WDFY3: variants seen among roughly 807,000 people sequenced by gnomAD.
WDFY3 encodes the protein WD repeat and FYVE domain-containing protein 3.
WDFY3 carries 66 observed loss-of-function variants against 409.6 expected under a neutral mutation model. That is an observed-to-expected ratio of 0.16 (90% CI 0.13 to 0.20). The LOEUF (loss-of-function observed/expected upper bound fraction) is 0.20, where lower values mean the gene tolerates loss of function less well. Among genes scored for constraint, WDFY3 ranks in the 10% least tolerant of loss-of-function variants. The pLI is 1.00. For synonymous variants in WDFY3, 1,521 were observed against 1,537.1 expected (o/e 0.99, Z 0.25); for missense variants, 3,031 against 4,298.1 (o/e 0.71, Z 8.24).
intron 1 of WDFY3, among the ~76,000 whole-genome samples, chr4:84,948,081 TA>T (rs1428578836): frequency 1.3e-5 from 2 of 152,192 alleles, no homozygotes; most frequent in African/African-American, 4.8e-5. Context: ...TATAACTTTT[TA>T]TAGGAAGTAA....
intron 13 of WDFY3, 143 bp downstream of exon 13, chr4:84,817,249 T>C: frequency 1.0e-6 from 1 of 995,392 alleles, no homozygotes; most frequent in Non-Finnish European, 1.5e-6. Flanking sequence ...TTTTTCCAAG[T>C]TCCTAACGTG....
At chr4:84,810,649 C>T (rs1752339869) in intron 13 of WDFY3, among the ~76,000 whole-genome samples, 4 of 152,170 alleles carry the variant, frequency 2.6e-5, no homozygotes, top group Admixed American at 2.6e-4. Flanking sequence ...AATTCAGTGA[C>T]TTTACAAAGT....
chr4:84,803,851 T>G (rs2149674518), intron 15 of WDFY3: 1 of 159,544 alleles, frequency 6.3e-6, no homozygotes, highest in Non-Finnish European at 1.4e-5. Context: ...TTAAATTAAT[T>G]CCCTCAGTGA....
intron 51 of WDFY3, among the ~76,000 whole-genome samples, chr4:84,710,436 T>C (rs1732692254): frequency 6.6e-6 from 1 of 152,336 alleles, no homozygotes; most frequent in Non-Finnish European, 1.5e-5. Context: ...ATCAGCTTTA[T>C]AATATTGATA....
chr4:84,911,231 C>T (rs1185913952), intron 2 of WDFY3, among the ~76,000 whole-genome samples: 2 of 152,036 alleles, frequency 1.3e-5, no homozygotes, highest in Non-Finnish European at 2.9e-5. Context: ...AGATAAACAA[C>T]CCAATTTAAA....
At chr4:84,737,597 G>C (rs1470615427) in intron 40 of WDFY3, among the ~76,000 whole-genome samples, 1 of 151,680 alleles carries the variant, frequency 6.6e-6, no homozygotes, top group Non-Finnish European at 1.5e-5. Flanking sequence ...TCATACAAAA[G>C]AACATTTTTA....
Position 84,953,954 on chromosome 4 carries a change from T to C in WDFY3, c.-226+12255A>G, listed in dbSNP as rs531275881. On this transcript the variant is annotated intron_variant, in intron 1 of 67. Transcript: ENST00000295888. Reference sequence around the variant, plus strand: ...ACTCATTAAGTGTCCATAGCACTTCTGCACCTCTCAGACTCATCAAATACC... The same window carrying C: ...ACTCATTAAGTGTCCATAGCACTTCCGCACCTCTCAGACTCATCAAATACC... 5.9e-5 allele frequency among the ~76,000 whole-genome samples: 9 copies of C among 152,292 alleles called. No individual in the cohort carries two copies. The South Asian group carries it at 1.9e-3, about 32-fold the overall frequency.
intron 60 of WDFY3, among the ~76,000 whole-genome samples, chr4:84,691,427 A>G (rs1355486522): frequency 6.6e-6 from 1 of 152,222 alleles, no homozygotes; most frequent in Non-Finnish European, 1.5e-5. Context: ...TGCAGGGAAC[A>G]TGACATCTCT....
At chr4:84,793,647 G>GTTTTAATTAGGACGAA (rs1286832367) in intron 21 of WDFY3, among the ~76,000 whole-genome samples, 1 of 152,172 alleles carries the variant, frequency 6.6e-6, no homozygotes, top group Non-Finnish European at 1.5e-5. Context: ...ACTGGAGGTA[G>GTTTTAATTAGGACGAA]TTTTAATTAG....
At chr4:84,779,172 AT>A (rs1746077675) in intron 26 of WDFY3, among the ~76,000 whole-genome samples, 2 of 152,104 alleles carry the variant, frequency 1.3e-5, no homozygotes, top group Non-Finnish European at 1.5e-5. Flanking sequence ...AGATTGTTCT[AT>A]TTTTTCATGA....
At chr4:84,957,226 G>A (rs1774343575) in intron 1 of WDFY3, among the ~76,000 whole-genome samples, 1 of 147,558 alleles carries the variant, frequency 6.8e-6, no homozygotes, top group Non-Finnish European at 1.5e-5. Context: ...CCTGCATTAA[G>A]TGGGCTAACA....
At chr4:84,681,148 T>G (rs1003400705) in intron 64 of WDFY3, among the ~76,000 whole-genome samples, 3 of 152,162 alleles carry the variant, frequency 2.0e-5, no homozygotes, top group African/African-American at 7.2e-5. Flanking sequence ...ATCTCACCAC[T>G]TCTACATTGT....
At chr4:84,725,820 T>C (rs1291310848) in intron 45 of WDFY3, among the ~76,000 whole-genome samples, 2 of 152,060 alleles carry the variant, frequency 1.3e-5, no homozygotes, top group Admixed American at 6.6e-5. Context: ...GGGTGAGACA[T>C]GTAGAATGAG....
rs971525912 is a variant in WDFY3 at position 84,751,775 on chromosome 4, T to TG, written c.5740-60dup. On this transcript the variant is annotated intron_variant, in intron 35 of 67. Transcript: ENST00000295888. Reference sequence around the variant, plus strand: ...CATTAGACTCTGACATTTTTACTTCTGTGTTTCCTAAAAATAAAACTGGAG... The same window carrying TG: ...CATTAGACTCTGACATTTTTACTTCTGGTGTTTCCTAAAAATAAAACTGGAG... 26 of 1,573,344 alleles carry TG rather than the reference T, an allele frequency of 1.7e-5. No individual in the cohort carries two copies. In the African/African-American group the frequency reaches 2.6e-4, roughly 16 times the overall value.
intron 6 of WDFY3, 75 bp from the exon 7 acceptor site, chr4:84,837,165 T>C (rs1007424096): frequency 3.4e-5 from 43 of 1,272,102 alleles, no homozygotes; most frequent in Non-Finnish European, 4.2e-5. Context: ...TTCACAAATG[T>C]TAACCCAAAA....
At chr4:84,937,648 T>C (rs989152458) in intron 1 of WDFY3, among the ~76,000 whole-genome samples, 1 of 152,150 alleles carries the variant, frequency 6.6e-6, no homozygotes, top group Non-Finnish European at 1.5e-5. Flanking sequence ...ATAAATCGTA[T>C]AACATCTGCT....
intron 1 of WDFY3, among the ~76,000 whole-genome samples, chr4:84,954,602 G>T (rs191222151): frequency 2.0e-4 from 31 of 152,228 alleles, no homozygotes; most frequent in African/African-American, 7.2e-4. Flanking sequence ...AACAGTCTTA[G>T]AGTTCCTCAG....
chr4:84,806,505 A>C (rs968753120), intron 15 of WDFY3, among the ~76,000 whole-genome samples: 2 of 149,748 alleles, frequency 1.3e-5, no homozygotes, highest in African/African-American at 5.1e-5. Context: ...TACACTGTAA[A>C]TGATGACAAT....
chr4:84,719,845 T>G (rs1734552379), intron 47 of WDFY3, among the ~76,000 whole-genome samples: 1 of 152,184 alleles, frequency 6.6e-6, no homozygotes, highest in African/African-American at 2.4e-5. Flanking sequence ...ATACCTGGTG[T>G]ACTTTTATAG....
Sources: gnomAD v4.1 joint callset for allele counts (sites outside exome capture counted in the v4.1 genomes callset) on GRCh38, gnomAD v4.1.1 for gene constraint, MANE v1.5 for transcripts, NCBI Gene and HGNC (gene_info 2026-07-23, HGNC 2026-07-21) for gene names.